The following RIMS1 variants were observed in gnomAD, a reference collection of about 807,000 sequenced individuals.
RIMS1 encodes regulating synaptic membrane exocytosis 1.
RIMS1 carries 83 observed loss-of-function variants against 214.1 expected under a neutral mutation model. The observed-to-expected ratio is 0.39, with a 90% CI of 0.32 to 0.47. The LOEUF is 0.47. Ranked by LOEUF, RIMS1 falls within the 20% of genes least tolerant of loss-of-function variation. The pLI, the probability that RIMS1 is intolerant of heterozygous loss-of-function variation, is 0.99. For synonymous variants in RIMS1, 793 were observed against 786.8 expected, an observed-to-expected ratio of 1.01 and a Z score of -0.13; for missense variants, 2,050 against 2,161.8, an observed-to-expected ratio of 0.95 and a Z score of 1.03.
chr6:71,962,741 T>C (rs1793316162), intron 1 of RIMS1, among the ~76,000 whole-genome samples: 1 of 152,198 alleles, frequency 6.6e-6, no homozygotes, highest in East Asian at 1.9e-4. Context: ...ATGAGGTTGC[T>C]TTTAAAGACC....
intron 29 of RIMS1, among the ~76,000 whole-genome samples, chr6:72,336,827 C>T (rs903395149): frequency 1.5e-4 from 23 of 151,722 alleles, no homozygotes; most frequent in Non-Finnish European, 2.9e-4. Flanking sequence ...TTTCTTAGGA[C>T]TTCCCCTAGT....
chr6:72,179,899 G>A lies in RIMS1; in HGVS notation c.796G>A (p.Glu266Lys). Residue 266 changes from glutamate to lysine, a missense_variant, in exon 5 of 34, where the codon GAA becomes AAA. Transcript: ENST00000521978. ...GCAGGCTTCATCCAGGTCTAGAAGT[G>A]AACCTCCTAGAGAGAGGTAATAGTT... ...QKQASSRSRSEPPRERKKTPG... is the reference protein window; with the variant it reads ...QKQASSRSRSKPPRERKKTPG... 1 of 1,532,844 alleles carries A rather than the reference G, an allele frequency of 6.5e-7. No homozygotes were observed. Among genetic ancestry groups the A allele is most frequent in the Non-Finnish European group, 8.8e-7 (1 of 1,141,304 alleles). The allele number at this position is 1,532,844 out of a possible 1,614,324, so 95.0% of individuals were successfully genotyped here.
chr6:72,192,901 C>A (rs2153983229), intron 6 of RIMS1, among the ~76,000 whole-genome samples: 1 of 152,308 alleles, frequency 6.6e-6, no homozygotes, highest in East Asian at 1.9e-4. Context: ...TCCCAGTCCA[C>A]TGATTCAAAT....
chr6:71,940,392 GATATTACT>G (rs1172107342), intron 1 of RIMS1, among the ~76,000 whole-genome samples: 1 of 152,258 alleles, frequency 6.6e-6, no homozygotes, highest in African/African-American at 2.4e-5. Context: ...TAAACCTTAG[GATATTACT>G]ATATCAATAT....
intron 1 of RIMS1, among the ~76,000 whole-genome samples, chr6:71,947,796 G>A (rs539882587): frequency 5.3e-5 from 8 of 152,062 alleles, no homozygotes; most frequent in African/African-American, 1.9e-4. Context: ...CCATAAACAT[G>A]TACAATTTAT....
chr6:72,213,288 A>T lies in RIMS1; in HGVS notation c.1679-20485A>T. 3.8e-6 allele frequency: 5 copies of T among 1,301,278 alleles called. No individual in the cohort carries two copies. In the South Asian group the frequency reaches 4.7e-5, roughly 12 times the overall value. 80.6% of individuals were successfully genotyped at this position (1,301,278 alleles called of 1,614,324 possible). A position where few individuals can be genotyped will look rare whatever the true frequency, so the allele number is the denominator to read the frequency against. On this transcript the variant is annotated intron_variant, in intron 6 of 33. Transcript: ENST00000521978. ...AGTTGTACCTAAATCTATATTTAACACTCCCTCTGTATCTATTTTCCAGTC... is the reference window on the plus strand; with the variant it reads ...AGTTGTACCTAAATCTATATTTAACTCTCCCTCTGTATCTATTTTCCAGTC...
At chr6:72,037,861 C>G (rs1472803281) in intron 2 of RIMS1, among the ~76,000 whole-genome samples, 1 of 151,474 alleles carries the variant, frequency 6.6e-6, no homozygotes, top group Non-Finnish European at 1.5e-5. Flanking sequence ...GAAGCTGTTT[C>G]TGTGTATCAA....
At chr6:72,389,266 T>A (rs560190542) in intron 29 of RIMS1, among the ~76,000 whole-genome samples, 5 of 152,296 alleles carry the variant, frequency 3.3e-5, no homozygotes, top group African/African-American at 1.2e-4. Context: ...ATTGTCTTCC[T>A]TGAGTGGTGA....
At chr6:72,360,142 C>CTA (rs942856655) in intron 29 of RIMS1, among the ~76,000 whole-genome samples, 2 of 152,130 alleles carry the variant, frequency 1.3e-5, no homozygotes, top group African/African-American at 4.8e-5. Context: ...CAAGCAGAGA[C>CTA]TAGTTTCTGC....
rs141370280 is a variant in RIMS1 at position 72,132,082 on chromosome 6, T to C, written c.471+32096T>C. Among the ~76,000 whole-genome samples, 416 of 152,320 alleles carry C rather than the reference T, an allele frequency of 2.7e-3. 2 individuals carry two copies. The highest frequency in any genetic ancestry group is 3.7e-3 in the Non-Finnish European group (254 of 68,032). Reference sequence around the variant, plus strand: ...AGATTTCATATTGTTTAAATACACGTGCTCTACAATTTGTGCAGTTAACGC... The same window carrying C: ...AGATTTCATATTGTTTAAATACACGCGCTCTACAATTTGTGCAGTTAACGC... On this transcript the variant is annotated intron_variant, in intron 4 of 33. Transcript: ENST00000521978.
chr6:71,957,829 A>G (rs772109503), intron 1 of RIMS1, among the ~76,000 whole-genome samples: 1 of 150,892 alleles, frequency 6.6e-6, no homozygotes, highest in Non-Finnish European at 1.5e-5. Context: ...TTATTATAGT[A>G]TTAATTCAAG....
At chr6:72,340,445 T>G (rs891575095) in intron 29 of RIMS1, among the ~76,000 whole-genome samples, 1 of 152,152 alleles carries the variant, frequency 6.6e-6, no homozygotes, top group Middle Eastern at 3.2e-3. Context: ...TTAATCCATC[T>G]TGAATTAATT....
chr6:71,978,534 G>A (rs563946260), intron 2 of RIMS1, among the ~76,000 whole-genome samples: 1 of 151,950 alleles, frequency 6.6e-6, no homozygotes, highest in South Asian at 2.1e-4. Context: ...TACAAATATT[G>A]CACCTTTTAA....
intron 11 of RIMS1, 32 bp from the exon 12 acceptor site, chr6:72,247,983 C>A (rs532221489): frequency 2.2e-6 from 3 of 1,371,026 alleles, no homozygotes; most frequent in African/African-American, 1.4e-5. Flanking sequence ...CCTACACTTA[C>A]AAATATTACT....
rs114539130 is a variant in RIMS1, at chr6:72,143,621, C to T, written c.472-35954C>T. Reference sequence around the variant, plus strand: ...TGAAGGCAGAGAAAGGAAGGTTCTACGTTGAAACCTTGGTGATGAACCAGC... The same window carrying T: ...TGAAGGCAGAGAAAGGAAGGTTCTATGTTGAAACCTTGGTGATGAACCAGC... On this transcript the variant is annotated intron_variant, in intron 4 of 33. Transcript: ENST00000521978. Among the ~76,000 whole-genome samples the T allele has an allele frequency of 4.4e-3, 666 of 152,262 alleles. 7 individuals are homozygous for T. The highest frequency in any genetic ancestry group is 0.016 in the African/African-American group (650 of 41,554).
chr6:72,004,518 C>T (rs1460210467), intron 2 of RIMS1, among the ~76,000 whole-genome samples: 9 of 151,086 alleles, frequency 6.0e-5, no homozygotes, highest in Non-Finnish European at 1.0e-4. Flanking sequence ...TCTCCACATC[C>T]TCTCCAGCAC....
At chr6:72,038,118 AATATATATATATATATAT>A (rs70994111) in intron 2 of RIMS1, among the ~76,000 whole-genome samples, 15 of 13,408 alleles carry the variant, frequency 1.1e-3, no homozygotes, top group Admixed American at 1.4e-3. Flanking sequence ...AAAAAAAAAA[AATATATATATATATATAT>A]ATATATATAT....
intron 1 of RIMS1, among the ~76,000 whole-genome samples, chr6:71,922,939 A>T (rs1582712170): frequency 6.6e-6 from 1 of 152,268 alleles, no homozygotes; most frequent in East Asian, 1.9e-4. Flanking sequence ...AATATGCCTA[A>T]GGTGTACATG....
intron 30 of RIMS1, 130 bp from the exon 31 acceptor site, chr6:72,392,568 A>G: frequency 1.4e-6 from 1 of 735,032 alleles, no homozygotes; most frequent in Non-Finnish European, 2.4e-6. Flanking sequence ...GCAAAGAATC[A>G]ATTAAAAAAA....
Sources: allele counts gnomAD v4.1 joint callset (sites outside exome capture counted in the v4.1 genomes callset), GRCh38; gene constraint gnomAD v4.1.1; transcripts MANE v1.5; gene names NCBI Gene and HGNC (gene_info 2026-07-23, HGNC 2026-07-21).